The following RGS22 variants were observed in gnomAD, a reference collection of about 807,000 sequenced individuals.
RGS22 encodes regulator of G-protein signaling 22.
A neutral mutation model predicts 172.9 loss-of-function variants in RGS22; 148 were observed. That is an observed-to-expected ratio of 0.86 (90% CI 0.75 to 0.98). The LOEUF (loss-of-function observed/expected upper bound fraction) is 0.98. RGS22 is among the 50% of genes least tolerant of loss of function. RGS22 has a pLI of 0.00. For missense variants in RGS22, 1,347 were observed against 1,440.8 expected, an observed-to-expected ratio of 0.93 and a Z score of 1.05; for synonymous variants, 458 against 480.2, an observed-to-expected ratio of 0.95 and a Z score of 0.60.
At chr8:100,022,474 C>T (rs548623466) in intron 14 of RGS22, among the ~76,000 whole-genome samples, 14 of 152,080 alleles carry the variant, frequency 9.2e-5, no homozygotes, top group African/African-American at 3.4e-4. Flanking sequence ...AGATTTGGGT[C>T]ATTGCTTAAG....
intron 20 of RGS22, among the ~76,000 whole-genome samples, chr8:99,991,030 T>G (rs910682099): frequency 6.6e-6 from 1 of 152,002 alleles, no homozygotes; most frequent in Non-Finnish European, 1.5e-5. Context: ...AACCTGACTG[T>G]TAGAAGGAAA....
intron 18 of RGS22, 152 bp downstream of exon 18, chr8:100,002,050 T>C: frequency 2.0e-6 from 1 of 503,220 alleles, no homozygotes; most frequent in Non-Finnish European, 3.3e-6. Context: ...TTATAGATGC[T>C]CATAAATACC....
chr8:100,089,992 A>C lies in RGS22; in HGVS notation c.117+3455T>G, dbSNP rs188154186. On this transcript the variant is annotated intron_variant, in intron 3 of 27. Transcript: ENST00000360863. ...CCTGATAAAAACAGTTAAAAAGGCA[A>C]AGCCAATGACAGATTTGTTTGGCAC... 1.1e-4 allele frequency among the ~76,000 whole-genome samples: 17 copies of C among 152,282 alleles called. No individual in the cohort carries two copies. In the East Asian group the frequency reaches 2.5e-3, roughly 22 times the overall value.
chr8:100,039,707 A>G (rs1167868561), intron 13 of RGS22, among the ~76,000 whole-genome samples: 1 of 147,750 alleles, frequency 6.8e-6, no homozygotes, highest in Non-Finnish European at 1.5e-5. Flanking sequence ...AGTAAGACTG[A>G]TTTTTTTTTT....
chr8:100,008,294 T>C, intron 15 of RGS22, 81 bp downstream of exon 15: 1 of 1,361,942 alleles, frequency 7.3e-7, no homozygotes, highest in South Asian at 1.3e-5. Context: ...CGCCTCGGCC[T>C]CCCAAAGTGC....
chr8:99,974,060 T>A (rs781171188), intron 23 of RGS22, among the ~76,000 whole-genome samples: 1 of 152,186 alleles, frequency 6.6e-6, no homozygotes, highest in Non-Finnish European at 1.5e-5. Context: ...CCAATTTAGA[T>A]TGCAGATCAT....
At position 100,052,789 on chromosome 8, in the gene RGS22, A is replaced by C. The variant is rs765206931; in HGVS notation, c.1689+13T>G. On this transcript the variant is annotated intron_variant, in intron 10 of 27. Coordinates refer to ENST00000360863, the MANE Select transcript of RGS22 (RefSeq NM_015668.5). Reference sequence around the variant, plus strand: ...AAACTTAGTAGAGATCACAGCATGAATGTACACCCTACCTGGATCTCAGGT... The same window carrying C: ...AAACTTAGTAGAGATCACAGCATGACTGTACACCCTACCTGGATCTCAGGT... The C allele has an allele frequency of 1.2e-6, 2 of 1,611,898 alleles. No individual in the cohort carries two copies. The highest frequency in any genetic ancestry group is 4.5e-5 in the East Asian group (2 of 44,852).
chr8:100,039,414 C>T (rs1819869254), intron 13 of RGS22, among the ~76,000 whole-genome samples: 1 of 147,266 alleles, frequency 6.8e-6, no homozygotes, highest in African/African-American at 2.5e-5. Context: ...GTCTCACTCT[C>T]TCACCCAGAC....
chr8:100,021,911 C>T (rs949699660), intron 14 of RGS22, among the ~76,000 whole-genome samples: 4 of 152,134 alleles, frequency 2.6e-5, no homozygotes, highest in Admixed American at 6.5e-5. Flanking sequence ...CCATTCACAG[C>T]TCTAGCAGGC....
intron 14 of RGS22, among the ~76,000 whole-genome samples, chr8:100,017,714 A>G (rs1817157610): frequency 6.6e-6 from 1 of 152,212 alleles, no homozygotes; most frequent in African/African-American, 2.4e-5. Flanking sequence ...TTTTAAGTTG[A>G]TATAAATTGA....
chr8:100,066,246 C>A lies in RGS22; in HGVS notation c.645G>T (p.Gln215His). The A allele has an allele frequency of 6.2e-7, 1 of 1,613,192 alleles. No individual in the cohort carries two copies. The highest frequency in any genetic ancestry group is 2.2e-5 in the East Asian group (1 of 44,820). ...KDWFALAKQSQQTVSTFSLPC... is the reference protein window; with the variant it reads ...KDWFALAKQSHQTVSTFSLPC... ...GTAACGAAAAGGTTGATACTGTTTG[C>A]TGACTTTGTTTTGCTAATGCAAACC... The change falls in exon 7 of 28, where the codon CAG becomes CAT. Residue 215 changes from glutamine to histidine, a missense_variant. Coordinates refer to ENST00000360863, the MANE Select transcript of RGS22 (RefSeq NM_015668.5).
intron 11 of RGS22, among the ~76,000 whole-genome samples, chr8:100,043,270 C>T (rs1454941104): frequency 4.6e-5 from 7 of 152,144 alleles, no homozygotes; most frequent in Non-Finnish European, 7.3e-5. Context: ...GAAGAAGCGC[C>T]CCACCTCCTG....
intron 19 of RGS22, 67 bp from the exon 20 acceptor site, chr8:99,996,597 A>G (rs1355897092): frequency 1.6e-6 from 2 of 1,261,594 alleles, no homozygotes; most frequent in African/African-American, 3.0e-5. Flanking sequence ...TTTACTAATT[A>G]AGTAGCTAAA....
At chr8:100,039,884 G>T in intron 13 of RGS22, 78 bp downstream of exon 13, 2 of 803,740 alleles carry the variant, frequency 2.5e-6, no homozygotes, top group South Asian at 2.8e-5. Context: ...ATAATTATGT[G>T]AGCACTTAAT....
At chr8:100,024,843 C>T (rs986913495) in intron 14 of RGS22, among the ~76,000 whole-genome samples, 5 of 152,034 alleles carry the variant, frequency 3.3e-5, no homozygotes, top group African/African-American at 1.2e-4. Context: ...TACCAATCTA[C>T]CTCTTAGGAT....
At chr8:100,090,126 A>C (rs192915103) in intron 3 of RGS22, among the ~76,000 whole-genome samples, 90 of 152,324 alleles carry the variant, frequency 5.9e-4, no homozygotes, top group Non-Finnish European at 4.0e-4. Context: ...GGAAAAGAAA[A>C]GTGAAGCACT....
intron 6 of RGS22, among the ~76,000 whole-genome samples, chr8:100,067,783 C>T (rs1327210357): frequency 6.6e-6 from 1 of 151,796 alleles, no homozygotes; most frequent in Non-Finnish European, 1.5e-5. Context: ...CACCACCATG[C>T]CTGGCTAATT....
chr8:100,081,103 A>C (rs1356301173), intron 3 of RGS22, among the ~76,000 whole-genome samples: 6 of 152,112 alleles, frequency 3.9e-5, no homozygotes, highest in Non-Finnish European at 8.8e-5. Flanking sequence ...ATCTAGAATC[A>C]GGTCCCTTTT....
chr8:100,080,104 C>A, intron 4 of RGS22, 30 bp downstream of exon 4: 1 of 1,437,752 alleles, frequency 7.0e-7, no homozygotes, highest in Non-Finnish European at 9.7e-7. Flanking sequence ...CTTTATCTAT[C>A]TAACAAGATA....
Sources: allele counts gnomAD v4.1 joint callset (sites outside exome capture counted in the v4.1 genomes callset), GRCh38; gene constraint gnomAD v4.1.1; transcripts MANE v1.5; gene names NCBI Gene and HGNC (gene_info 2026-07-23, HGNC 2026-07-21).